Variants in SYT1 observed in about 807,000 individuals in gnomAD.
The protein encoded by SYT1 is synaptotagmin-1.
In SYT1, 8 loss-of-function variants were observed where a neutral mutation model predicts 44.8. The observed-to-expected ratio is 0.18, with a 90% CI of 0.10 to 0.32. SYT1 has a LOEUF of 0.32. Among genes scored for constraint, SYT1 ranks in the 10% least tolerant of loss-of-function variants. The pLI is 1.00. For synonymous variants in SYT1, 154 were observed against 188.8 expected, an observed-to-expected ratio of 0.82 and a Z score of 1.51; for missense variants, 286 against 509.3, an observed-to-expected ratio of 0.56 and a Z score of 4.22.
chr12:78,887,469 C>T (rs1175654411), intron 1 of SYT1, among the ~76,000 whole-genome samples: 2 of 151,904 alleles, frequency 1.3e-5, no homozygotes, highest in African/African-American at 4.8e-5. Flanking sequence ...AAGAAAGAAT[C>T]ATATGCTGAG....
At chr12:79,305,916 C>T (rs183083509) in intron 8 of SYT1, among the ~76,000 whole-genome samples, 37 of 152,264 alleles carry the variant, frequency 2.4e-4, no homozygotes, top group African/African-American at 8.7e-4. Context: ...AGCCTGGTCT[C>T]GAACTCATGA....
At chr12:79,193,568 T>C (rs2138460410) in intron 3 of SYT1, among the ~76,000 whole-genome samples, 1 of 152,202 alleles carries the variant, frequency 6.6e-6, no homozygotes, top group East Asian at 1.9e-4. Context: ...TTACTATTAT[T>C]AAGATTCATC....
intron 2 of SYT1, among the ~76,000 whole-genome samples, chr12:79,034,132 T>C (rs1872980894): frequency 6.6e-6 from 1 of 151,564 alleles, no homozygotes; most frequent in Non-Finnish European, 1.5e-5. Flanking sequence ...AGAATCATGC[T>C]GTTCAGGCAA....
chr12:78,951,204 C>T (rs17046096), intron 1 of SYT1, among the ~76,000 whole-genome samples: 25,095 of 151,956 alleles, frequency 0.17, 2,398 homozygotes, highest in East Asian at 0.3. Context: ...TTTTAAACAA[C>T]TATTTTCTTT....
intron 8 of SYT1, among the ~76,000 whole-genome samples, chr12:79,352,490 T>C (rs919261270): frequency 1.2e-4 from 19 of 152,158 alleles, no homozygotes; most frequent in African/African-American, 4.6e-4. Context: ...GCCATATAGC[T>C]AATTCTGCAT....
intron 2 of SYT1, among the ~76,000 whole-genome samples, chr12:79,011,903 G>C (rs112799807): frequency 6.6e-6 from 1 of 152,048 alleles, no homozygotes; most frequent in East Asian, 1.9e-4. Context: ...GGGCTGAGGC[G>C]GGTGAATCAC....
chr12:78,881,823 A>G (rs960048084), intron 1 of SYT1, among the ~76,000 whole-genome samples: 1 of 151,632 alleles, frequency 6.6e-6, no homozygotes, highest in Non-Finnish European at 1.5e-5. Flanking sequence ...TGAGAAGCTG[A>G]TTCTAGGGCT....
chr12:79,438,680 C>T (rs1224808686), intron 9 of SYT1, among the ~76,000 whole-genome samples: 17 of 151,988 alleles, frequency 1.1e-4, no homozygotes, highest in Admixed American at 1.1e-3. Flanking sequence ...AGGTCTATAT[C>T]CTCTTCCTTG....
chr12:78,876,196 T>C (rs896230579), intron 1 of SYT1, among the ~76,000 whole-genome samples: 3 of 151,620 alleles, frequency 2.0e-5, no homozygotes, highest in African/African-American at 7.2e-5. Context: ...TCTTGTAGCA[T>C]TAACCGGAAA....
chr12:79,155,891 A>G (rs1592800064), intron 3 of SYT1, among the ~76,000 whole-genome samples: 1 of 152,330 alleles, frequency 6.6e-6, no homozygotes, highest in South Asian at 2.1e-4. Context: ...TGAGATGGGA[A>G]TTTGTTAACA....
intron 4 of SYT1, among the ~76,000 whole-genome samples, chr12:79,236,585 C>G (rs1466481856): frequency 2.6e-5 from 4 of 152,134 alleles, no homozygotes; most frequent in Non-Finnish European, 5.9e-5. Context: ...CATCTTCCAC[C>G]AAGTGGTATT....
intron 1 of SYT1, among the ~76,000 whole-genome samples, chr12:78,969,593 T>C (rs553333778): frequency 6.6e-6 from 1 of 152,132 alleles, no homozygotes; most frequent in Non-Finnish European, 1.5e-5. Context: ...CAACTTGGGA[T>C]TGGAAGGAGT....
rs559796849 is a variant in SYT1 at position 78,896,834 on chromosome 12, T to C, written c.-217+31725T>C. On this transcript the variant is annotated intron_variant, in intron 1 of 10. Transcript: ENST00000261205. ...TACAAAAAGAGAAAAAGGAAGTAGTTTTTACTTTACGATTTCTATATCTTT... is the reference window on the plus strand; with the variant it reads ...TACAAAAAGAGAAAAAGGAAGTAGTCTTTACTTTACGATTTCTATATCTTT... 6.8e-4 allele frequency among the ~76,000 whole-genome samples: 104 copies of C among 151,914 alleles called. 1 individual carries two copies. In the South Asian group the frequency reaches 0.012, roughly 17 times the overall value.
chr12:78,998,082 TAATCTGAAAAGGAAAGAAAG>T (rs1403779815), intron 2 of SYT1, among the ~76,000 whole-genome samples: 1 of 152,136 alleles, frequency 6.6e-6, no homozygotes, highest in Non-Finnish European at 1.5e-5. Context: ...AGAATTACAA[TAATCTGAAAAGGAAAGAAAG>T]AAAGAGCAGG....
intron 3 of SYT1, among the ~76,000 whole-genome samples, chr12:79,174,754 A>C (rs1287307581): frequency 6.6e-6 from 1 of 152,010 alleles, no homozygotes; most frequent in Non-Finnish European, 1.5e-5. Context: ...TCACTTTGGG[A>C]TGTTAAAAAA....
chr12:79,359,524 G>A (rs1883237927), intron 9 of SYT1, among the ~76,000 whole-genome samples: 1 of 152,118 alleles, frequency 6.6e-6, no homozygotes, highest in South Asian at 2.1e-4. Flanking sequence ...AAAAGAAAAG[G>A]GAAATGAAAT....
chr12:79,020,285 T>A (rs1166058384), intron 2 of SYT1, among the ~76,000 whole-genome samples: 2 of 151,968 alleles, frequency 1.3e-5, no homozygotes, highest in Admixed American at 6.6e-5. Flanking sequence ...GTGACTCATG[T>A]CATCTGTGCC....
intron 4 of SYT1, among the ~76,000 whole-genome samples, chr12:79,273,792 A>G (rs1291297119): frequency 6.6e-6 from 1 of 152,134 alleles, no homozygotes; most frequent in Non-Finnish European, 1.5e-5. Context: ...GTTGCCAGAA[A>G]CTCCCAACTG....
In SYT1 at chr12:79,032,371, G is replaced by A. The variant is rs559695512; in HGVS notation, c.-83-14926G>A. Among the ~76,000 whole-genome samples the A allele has an allele frequency of 1.1e-4, 17 of 151,134 alleles. No homozygotes were observed. In the South Asian group the frequency reaches 3.3e-3, roughly 30 times the overall value. On this transcript the variant is annotated intron_variant, in intron 2 of 10. Coordinates refer to ENST00000261205, the MANE Select transcript of SYT1 (RefSeq NM_005639.3). Reference sequence around the variant, plus strand: ...ATAGAGACATGAATTTTATAGGCAGGGACCTTATCTTGTACTCTTTTTTAC... The same window carrying A: ...ATAGAGACATGAATTTTATAGGCAGAGACCTTATCTTGTACTCTTTTTTAC...
Sources: gnomAD v4.1 joint callset for allele counts (sites outside exome capture counted in the v4.1 genomes callset) on GRCh38, gnomAD v4.1.1 for gene constraint, MANE v1.5 for transcripts, NCBI Gene and HGNC (gene_info 2026-07-23, HGNC 2026-07-21) for gene names.